WDR17: variants seen among roughly 807,000 people sequenced by gnomAD.
WDR17 encodes the protein WD repeat-containing protein 17.
Under a neutral mutation model 161.7 loss-of-function variants are expected in WDR17, and 143 were observed. That is an observed-to-expected ratio of 0.88 (90% CI 0.77 to 1.02). WDR17 has a LOEUF of 1.02. WDR17 is among the 50% of genes least tolerant of loss of function. WDR17 has a pLI of 0.00. For synonymous variants in WDR17, 517 were observed against 515.6 expected, an observed-to-expected ratio of 1.00 and a Z score of -0.04; for missense variants, 1,469 against 1,520.9, an observed-to-expected ratio of 0.97 and a Z score of 0.57.
Position 176,148,348 on chromosome 4 carries a change from T to C in WDR17, c.1897+13T>C. 6.2e-7 allele frequency: 1 copy of C among 1,606,814 alleles called. No individual in the cohort carries two copies. Among genetic ancestry groups the C allele is most frequent in the South Asian group, 1.1e-5 (1 of 90,478 alleles). On this transcript the variant is annotated intron_variant, in intron 13 of 28. Transcript: ENST00000508596. Reference sequence around the variant, plus strand: ...GCAGATGTATATGGTAGAGTGTCTTTCATTCTTTCATGTATTTGTTATATT... The same window carrying C: ...GCAGATGTATATGGTAGAGTGTCTTCCATTCTTTCATGTATTTGTTATATT...
intron 11 of WDR17, among the ~76,000 whole-genome samples, chr4:176,143,793 C>T (rs1175062822): frequency 6.6e-6 from 1 of 152,052 alleles, no homozygotes; most frequent in Admixed American, 6.6e-5. Context: ...TAAGTCAGTT[C>T]TACAGTTTAC....
intron 1 of WDR17, among the ~76,000 whole-genome samples, chr4:176,107,380 G>A (rs377393400): frequency 1.3e-5 from 2 of 149,326 alleles, no homozygotes; most frequent in South Asian, 2.2e-4. Context: ...TGGTAGTTTT[G>A]CAAAAAAGTA....
intron 1 of WDR17, chr4:176,068,451 T>A (rs1283590411): frequency 6.6e-6 from 1 of 152,046 alleles, no homozygotes; most frequent in Non-Finnish European, 1.5e-5. Flanking sequence ...AATACAAAAA[T>A]TAGCTGGGCG....
Position 176,128,722 on chromosome 4 carries a change from TC to T in WDR17, c.791-13del. The T allele has an allele frequency of 6.3e-7, 1 of 1,593,106 alleles. No homozygotes were observed. The highest frequency in any genetic ancestry group is 8.5e-7 in the Non-Finnish European group (1 of 1,174,408). On this transcript the variant is annotated splice_polypyrimidine_tract_variant and intron_variant, in intron 5 of 28. Transcript: ENST00000508596. ...ACAAAACTTGTTAAAATGTGCTTTT[TC>T]CCTGATCTGACTAGATTCTCAAGTG...
chr4:176,098,095 C>CT (rs1737195286), intron 1 of WDR17: 1 of 151,804 alleles, frequency 6.6e-6, no homozygotes, highest in African/African-American at 2.4e-5. Flanking sequence ...AATGAAAGAT[C>CT]CTATTCTGAA....
chr4:176,170,311 T>C (rs1256449779), intron 23 of WDR17, among the ~76,000 whole-genome samples: 2 of 135,834 alleles, frequency 1.5e-5, no homozygotes, highest in African/African-American at 5.5e-5. Context: ...TATTTTTTCT[T>C]TTTTCTTTTT....
At chr4:176,177,210 C>G in intron 27 of WDR17, 54 bp downstream of exon 27, 1 of 1,478,540 alleles carries the variant, frequency 6.8e-7, no homozygotes, top group Non-Finnish European at 9.4e-7. Context: ...ATGTTATAGA[C>G]AAACTTGTTG....
chr4:176,116,975 A>G lies in WDR17; in HGVS notation c.307+996A>G, dbSNP rs749605749. Among the ~76,000 whole-genome samples, 41 of 152,034 alleles carry G rather than the reference A, an allele frequency of 2.7e-4. 2 individuals carry two copies. In the Middle Eastern group the frequency reaches 0.01, roughly 38 times the overall value. Reference sequence around the variant, plus strand: ...TGTCAAATGAAGTTAATTTTCAACTAGAAGTATATGGATCTCATTCCCAAG... The same window carrying G: ...TGTCAAATGAAGTTAATTTTCAACTGGAAGTATATGGATCTCATTCCCAAG... On this transcript the variant is annotated intron_variant, in intron 3 of 28. Coordinates refer to ENST00000508596, the MANE Select transcript of WDR17 (RefSeq NM_181265.4).
chr4:176,080,288 G>T (rs976818343), intron 1 of WDR17, among the ~76,000 whole-genome samples: 1 of 151,788 alleles, frequency 6.6e-6, no homozygotes, highest in Non-Finnish European at 1.5e-5. Flanking sequence ...TTAGACTCAA[G>T]ATAAAAACTT....
At chr4:176,122,740 G>T (rs1302435500) in intron 4 of WDR17, among the ~76,000 whole-genome samples, 1 of 152,126 alleles carries the variant, frequency 6.6e-6, no homozygotes. Context: ...GTTCTTGCAG[G>T]AACCTATGAC....
At chr4:176,088,906 G>C (rs138661031) in intron 1 of WDR17, among the ~76,000 whole-genome samples, 71 of 152,258 alleles carry the variant, frequency 4.7e-4, no homozygotes, top group African/African-American at 1.6e-3. Flanking sequence ...ATATCCCAGA[G>C]ATAGATTTAA....
Position 176,151,695 on chromosome 4 carries a change from T to C in WDR17, c.2305-117T>C, listed in dbSNP as rs1747139230. 5 of 907,488 alleles carry C rather than the reference T, an allele frequency of 5.5e-6. No homozygotes were observed. In the Admixed American group the frequency reaches 9.4e-5, roughly 17 times the overall value. 56.2% of individuals were successfully genotyped at this position (907,488 alleles called of 1,614,324 possible). A position where few individuals can be genotyped will look rare whatever the true frequency, so the allele number is the denominator to read the frequency against. ...CAAGCATTTATCTTTTTTTGTGTGTTAGGAACATTTCAATTCCGCTCTATT... is the reference window on the plus strand; with the variant it reads ...CAAGCATTTATCTTTTTTTGTGTGTCAGGAACATTTCAATTCCGCTCTATT... On this transcript the variant is annotated intron_variant, in intron 16 of 28. Transcript: ENST00000508596.
chr4:176,111,537 T>C (rs771413994), intron 1 of WDR17, 38 bp from the exon 2 acceptor site: 2 of 1,590,784 alleles, frequency 1.3e-6, no homozygotes, highest in Admixed American at 1.7e-5. Flanking sequence ...TTATCAATAA[T>C]GGAAATCACT....
At chr4:176,089,033 G>C (rs1735772912) in intron 1 of WDR17, among the ~76,000 whole-genome samples, 1 of 152,108 alleles carries the variant, frequency 6.6e-6, no homozygotes, top group Non-Finnish European at 1.5e-5. Context: ...TAATTACACT[G>C]TATCTCTATG....
At chr4:176,076,252 T>TAC (rs1381040779) in intron 1 of WDR17, among the ~76,000 whole-genome samples, 11 of 68,366 alleles carry the variant, frequency 1.6e-4, no homozygotes, top group African/African-American at 3.8e-4. Flanking sequence ...TATATATATA[T>TAC]ATACACACAC....
At chr4:176,102,628 T>C (rs1737996845) in intron 1 of WDR17, among the ~76,000 whole-genome samples, 1 of 152,210 alleles carries the variant, frequency 6.6e-6, no homozygotes, top group African/African-American at 2.4e-5. Context: ...ATAAATAAAC[T>C]GTGCTACATC....
At position 176,074,271 on chromosome 4, in the gene WDR17, C is replaced by T. The variant is rs552682184; in HGVS notation, c.-7+8192C>T. ...AAGTCTTTAATCCATCCTGTGCCATCTTTTAAAAAAATTACAATGTGAGCT... is the reference window on the plus strand; with the variant it reads ...AAGTCTTTAATCCATCCTGTGCCATTTTTTAAAAAAATTACAATGTGAGCT... On this transcript the variant is annotated intron_variant, in intron 1 of 28. Coordinates refer to ENST00000508596, the MANE Select transcript of WDR17 (RefSeq NM_181265.4). Among the ~76,000 whole-genome samples the T allele has an allele frequency of 2.6e-5, 4 of 152,086 alleles. No individual in the cohort carries two copies. The South Asian group carries it at 8.3e-4, about 32-fold the overall frequency.
chr4:176,128,789 T>C lies in WDR17; in HGVS notation c.842T>C (p.Ile281Thr), dbSNP rs544139211. 5.0e-5 allele frequency: 80 copies of C among 1,606,972 alleles called. 2 individuals carry two copies. The South Asian group carries it at 8.4e-4, about 17-fold the overall frequency. The change falls in exon 6 of 29, where the codon ATT (isoleucine) becomes ACT (threonine). Residue 281 changes from isoleucine (I) to threonine (T), a missense_variant. By Grantham distance (89) the Ile-to-Thr change is moderately conservative. Coordinates refer to ENST00000508596, the MANE Select transcript of WDR17 (RefSeq NM_181265.4). ...RIWNVSRTTP[I>T]DNLKLKKTGF... ...TGGAATGTTTCAAGAACAACACCTA[T>C]TGATAATCTTAAATTAAAGAAAACA...
chr4:176,181,485 A>T lies in WDR17; in HGVS notation c.*1906A>T, dbSNP rs559141028. 3.1e-3 allele frequency: 696 copies of T among 224,398 alleles called. 3 individuals are homozygous for T. The highest frequency in any genetic ancestry group is 0.013 in the African/African-American group (564 of 42,390). 13.9% of individuals were successfully genotyped at this position (224,398 alleles called of 1,614,324 possible). ...ACCATCTCCAAAAATTATATATATA[A>T]AAATAATTAATATTATAGAAGAGAA... is the stretch of plus-strand genomic sequence containing the variant. On this transcript the variant is annotated 3_prime_UTR_variant, in exon 29 of 29. Transcript: ENST00000508596.
Sources: allele counts gnomAD v4.1 joint callset (sites outside exome capture counted in the v4.1 genomes callset), GRCh38; gene constraint gnomAD v4.1.1; transcripts MANE v1.5; gene names NCBI Gene and HGNC (gene_info 2026-07-23, HGNC 2026-07-21).